The following TNS1 variants were observed in gnomAD, a reference collection of about 807,000 sequenced individuals.
TNS1 encodes the protein tensin-1.
A neutral mutation model predicts 168.6 loss-of-function variants in TNS1; 62 were observed. That is an observed-to-expected ratio of 0.37 (90% CI 0.30 to 0.45). The LOEUF (loss-of-function observed/expected upper bound fraction) is 0.45, where lower values mean the gene tolerates loss of function less well. Ranked by LOEUF, TNS1 falls within the 20% of genes least tolerant of loss-of-function variation. TNS1 has a pLI of 1.00. For synonymous variants in TNS1, 934 were observed against 933.2 expected (o/e 1.00, Z -0.02); for missense variants, 2,240 against 2,339.4 (o/e 0.96, Z 0.88).
intron 28 of TNS1, 148 bp downstream of exon 28, chr2:217,812,220 A>C: frequency 1.7e-6 from 1 of 578,044 alleles, no homozygotes; most frequent in Non-Finnish European, 3.0e-6. Flanking sequence ...ATAGGAAGAA[A>C]AGGAGAGTAG....
chr2:217,960,295 G>A (rs1957465559), intron 3 of TNS1, among the ~76,000 whole-genome samples: 2 of 152,122 alleles, frequency 1.3e-5, no homozygotes, highest in Admixed American at 1.3e-4. Context: ...AATTGAGGCT[G>A]GGGGTGGTCA....
At chr2:217,936,404 A>G (rs1280623137) in intron 3 of TNS1, among the ~76,000 whole-genome samples, 2 of 152,108 alleles carry the variant, frequency 1.3e-5, no homozygotes, top group Non-Finnish European at 2.9e-5. Flanking sequence ...AAGATCTCCC[A>G]GGAAGGAGAT....
At position 217,886,055 on chromosome 2, in the gene TNS1, T is replaced by A. The variant is rs372910239; in HGVS notation, c.1029A>T (p.Thr343=). The change falls in exon 14 of 33, where the codon ACA becomes ACT. Residue 343 remains threonine (T), a synonymous_variant. Transcript: ENST00000682258. The part of the protein sequence containing the change: ...RIYQAMQPVY[T]SGIYNIPGDS... Reference sequence around the variant, plus strand: ...CATGTAATACTTACTAGATGCCAGATGTGTACACAGGTTGCATGGCCTGGT... The same window carrying A: ...CATGTAATACTTACTAGATGCCAGAAGTGTACACAGGTTGCATGGCCTGGT... The A allele has an allele frequency of 5.0e-6, 8 of 1,613,254 alleles. No individual in the cohort carries two copies. The highest frequency in any genetic ancestry group is 5.9e-6 in the Non-Finnish European group (7 of 1,179,918).
In TNS1 at chr2:217,880,757, G is replaced by T; in HGVS notation, c.1429+141C>A. 1 of 668,230 alleles carries T rather than the reference G, an allele frequency of 1.5e-6. No homozygotes were observed. Among genetic ancestry groups the T allele is most frequent in the Non-Finnish European group, 2.7e-6 (1 of 374,060 alleles). 41.4% of individuals were successfully genotyped at this position (668,230 alleles called of 1,614,324 possible). A position where few individuals can be genotyped will look rare whatever the true frequency, so the allele number is the denominator to read the frequency against. On this transcript the variant is annotated intron_variant, in intron 18 of 32. Transcript: ENST00000682258. The surrounding 1 kb of genome is among the most constrained non-coding windows in gnomAD (Gnocchi z 4.2). ...GCCTTATCTTCCCCCAGTTAACGGTGAGCTCTCGGAGGTACCTCACACTTC... is the reference window on the plus strand; with the variant it reads ...GCCTTATCTTCCCCCAGTTAACGGTTAGCTCTCGGAGGTACCTCACACTTC...
At chr2:217,979,012 C>A in intron 2 of TNS1, 1 of 463,830 alleles carries the variant, frequency 2.2e-6, no homozygotes, top group Non-Finnish European at 3.8e-6. Flanking sequence ...ACTGAGGACC[C>A]GCGGCCGGGG....
intron 19 of TNS1, among the ~76,000 whole-genome samples, chr2:217,837,650 C>T (rs1257525766): frequency 3.3e-5 from 5 of 152,230 alleles, no homozygotes; most frequent in Non-Finnish European, 5.9e-5. Context: ...CAGGGGCAGC[C>T]CTGCTGCCAT....
chr2:217,868,764 C>A (rs970231623), intron 18 of TNS1, among the ~76,000 whole-genome samples: 3 of 152,262 alleles, frequency 2.0e-5, no homozygotes, highest in African/African-American at 7.2e-5. Context: ...GCCCAGACAG[C>A]CTGAGTCCCA....
In TNS1 at chr2:217,848,351, G is replaced by A. The variant is rs750421629; in HGVS notation, c.2166C>T (p.His722=). Residue 722 remains histidine, a synonymous_variant, in exon 19 of 33, where the codon CAC becomes CAT. Coordinates refer to ENST00000682258, the MANE Select transcript of TNS1 (RefSeq NM_001387777.1). ...GLAGYQREGP[H]PAWPQPVTTS... ...TGGTCACTGGCTGTGGCCAGGCTGG[G>A]TGGGGCCCCTCCCTCTGGTAGCCAG... The A allele has an allele frequency of 3.2e-6, 5 of 1,541,828 alleles. No homozygotes were observed. In the African/African-American group the frequency reaches 4.1e-5, roughly 13 times the overall value.
At chr2:217,826,463 C>T (rs1475802489) in intron 22 of TNS1, among the ~76,000 whole-genome samples, 5 of 152,158 alleles carry the variant, frequency 3.3e-5, no homozygotes, top group Non-Finnish European at 5.9e-5. Flanking sequence ...TCTGGGACTC[C>T]GTTTCCTCAT....
chr2:217,906,821 C>T (rs4674223), intron 5 of TNS1, among the ~76,000 whole-genome samples: 68,700 of 152,010 alleles, frequency 0.45, 16,497 homozygotes, highest in African/African-American at 0.62. Context: ...CTTCATCTTC[C>T]GCATAGCCTT....
chr2:217,846,977 C>T (rs531141766), intron 19 of TNS1, among the ~76,000 whole-genome samples: 2 of 152,316 alleles, frequency 1.3e-5, no homozygotes, highest in Non-Finnish European at 1.5e-5. Flanking sequence ...CCTCTAGGAG[C>T]GGGACCTAAG....
At chr2:217,856,066 A>G (rs1948098198) in intron 18 of TNS1, among the ~76,000 whole-genome samples, 1 of 152,072 alleles carries the variant, frequency 6.6e-6, no homozygotes, top group African/African-American at 2.4e-5. Flanking sequence ...CCCAAAAACC[A>G]TCTGTGGATC....
intron 8 of TNS1, among the ~76,000 whole-genome samples, chr2:217,895,507 G>A (rs773969222): frequency 4.6e-5 from 7 of 152,284 alleles, no homozygotes; most frequent in South Asian, 4.1e-4. Flanking sequence ...CACACCGAAC[G>A]GGAATCCAGC....
chr2:218,001,876 A>C (rs138124133), intron 1 of TNS1, among the ~76,000 whole-genome samples: 36 of 151,938 alleles, frequency 2.4e-4, no homozygotes, highest in African/African-American at 8.2e-4. Context: ...GAAAGGCCAC[A>C]TCTGGATCAC....
At chr2:217,850,661 T>A (rs2125455316) in intron 18 of TNS1, 3 of 961,172 alleles carry the variant, frequency 3.1e-6, no homozygotes, top group Non-Finnish European at 3.7e-6. Flanking sequence ...ATCCAGGCTC[T>A]CCGTTAGCAA....
intron 1 of TNS1, among the ~76,000 whole-genome samples, chr2:218,031,161 CTATGAG>C (rs1266697160): frequency 2.9e-4 from 36 of 126,150 alleles, no homozygotes; most frequent in Admixed American, 1.2e-3. Context: ...GTGAGCATGT[CTATGAG>C]TGTCTTGTGT....
At chr2:217,976,562 T>C (rs148219774) in intron 3 of TNS1, among the ~76,000 whole-genome samples, 5 of 152,212 alleles carry the variant, frequency 3.3e-5, no homozygotes, top group Non-Finnish European at 5.9e-5. Flanking sequence ...CCCCACTTAG[T>C]TGGCCTCCTT....
At chr2:217,974,751 T>C (rs1030558808) in intron 3 of TNS1, among the ~76,000 whole-genome samples, 2 of 152,172 alleles carry the variant, frequency 1.3e-5, no homozygotes, top group African/African-American at 2.4e-5. Flanking sequence ...CTTACATATC[T>C]AGAAGGCAGC....
chr2:217,915,731 C>G (rs1236202054), intron 4 of TNS1, among the ~76,000 whole-genome samples: 1 of 152,162 alleles, frequency 6.6e-6, no homozygotes, highest in Non-Finnish European at 1.5e-5. Context: ...GAAACACAGA[C>G]CAAGAATCCA....
Sources: gnomAD v4.1 joint callset for allele counts (sites outside exome capture counted in the v4.1 genomes callset) on GRCh38, gnomAD v4.1.1 for gene constraint, Gnocchi (gnomAD v3.1) non-coding constraint, MANE v1.5 for transcripts, NCBI Gene and HGNC (gene_info 2026-07-23, HGNC 2026-07-21) for gene names.